Variants in DNAH14 observed in about 807,000 individuals in gnomAD.
DNAH14 encodes the protein axonemal beta dynein heavy chain 14.
Under a neutral mutation model 520.9 loss-of-function variants are expected in DNAH14, and 478 were observed. That is an observed-to-expected ratio of 0.92 (90% CI 0.85 to 0.99). DNAH14 has a LOEUF of 0.99. Ranked by LOEUF, DNAH14 falls within the 50% of genes least tolerant of loss-of-function variation. The pLI is 0.00. For missense variants in DNAH14, 4,831 were observed against 5,234.5 expected, an observed-to-expected ratio of 0.92 and a Z score of 2.38; for synonymous variants, 1,581 against 1,757.2, an observed-to-expected ratio of 0.90 and a Z score of 2.51.
chr1:225,179,900 GT>G (rs112267327), intron 36 of DNAH14, among the ~76,000 whole-genome samples: 29 of 150,130 alleles, frequency 1.9e-4, no homozygotes, highest in African/African-American at 3.2e-4. Flanking sequence ...TCAGTTGACA[GT>G]TTTTTTTTTC....
intron 1 of DNAH14, among the ~76,000 whole-genome samples, chr1:224,936,080 A>G (rs780047466): frequency 3.3e-5 from 5 of 151,900 alleles, no homozygotes; most frequent in Non-Finnish European, 7.4e-5. Context: ...CTAATGGGGA[A>G]TTTTATAGCA....
At chr1:225,138,921 G>A (rs148997397) in intron 27 of DNAH14, among the ~76,000 whole-genome samples, 110 of 152,238 alleles carry the variant, frequency 7.2e-4, no homozygotes, top group African/African-American at 2.1e-3. Flanking sequence ...TCCTCTCCGT[G>A]AGTGTCGTGG....
At chr1:225,331,402 A>T in intron 64 of DNAH14, 35 bp from the exon 65 acceptor site, 1 of 1,540,500 alleles carries the variant, frequency 6.5e-7, no homozygotes, top group Non-Finnish European at 8.8e-7. Flanking sequence ...TGAGAGTAAG[A>T]TATTTTTCTC....
At chr1:225,270,047 C>T (rs1027326964) in intron 49 of DNAH14, among the ~76,000 whole-genome samples, 1 of 152,050 alleles carries the variant, frequency 6.6e-6, no homozygotes, top group African/African-American at 2.4e-5. Context: ...GCACTATTCA[C>T]AATAGCAAAG....
chr1:224,947,039 T>C (rs2059888336), intron 1 of DNAH14, among the ~76,000 whole-genome samples: 1 of 150,298 alleles, frequency 6.7e-6, no homozygotes, highest in African/African-American at 2.4e-5. Flanking sequence ...TGCCTCAGCC[T>C]CCCGAGTAGC....
Position 225,345,974 on chromosome 1 carries a change from A to T in DNAH14, c.10691A>T (p.Asp3564Val). 2.6e-6 allele frequency: 4 copies of T among 1,549,440 alleles called. No homozygotes were observed. The highest frequency in any genetic ancestry group is 3.5e-6 in the Non-Finnish European group (4 of 1,146,088). The change falls in exon 70 of 86, where the codon GAT (aspartate) becomes GTT (valine). Residue 3564 changes from aspartate to valine, a missense_variant. Coordinates refer to ENST00000682510, the MANE Select transcript of DNAH14 (RefSeq NM_001367479.1). ...LLQKALGSIL[D>V]DDKIVDTLRK... The stretch of plus-strand genomic sequence containing the variant: ...TGTTTGTCTTTAGGATCCATATTAG[A>T]TGATGACAAAATTGTAGATACCTTA...
chr1:225,103,954 T>TGAATAGGAGTGGTGAGAGAGGG (rs2075773239), intron 23 of DNAH14, among the ~76,000 whole-genome samples: 4 of 152,230 alleles, frequency 2.6e-5, no homozygotes, highest in East Asian at 1.9e-4. Flanking sequence ...AGAGAGGGCA[T>TGAATAGGAGTGGTGAGAGAGGG]CCCTGTCTTG....
chr1:225,381,518 C>T lies in DNAH14; in HGVS notation c.13016C>T (p.Thr4339Ile). ...GCTATAAAAGGAGAGATCATCCTCACCCAAGAATTGGAGGAAATATTTAAC... is the reference window on the plus strand; with the variant it reads ...GCTATAAAAGGAGAGATCATCCTCATCCAAGAATTGGAGGAAATATTTAAC... ...QLAIKGEIIL[T>I]QELEEIFNSF... Residue 4339 changes from threonine to isoleucine, a missense_variant, in exon 81 of 86, where the codon ACC becomes ATC. Thr to Ile is a moderately conservative substitution (Grantham distance 89). Coordinates refer to ENST00000682510, the MANE Select transcript of DNAH14 (RefSeq NM_001367479.1). 6.5e-7 allele frequency: 1 copy of T among 1,548,002 alleles called. No homozygotes were observed. Among genetic ancestry groups the T allele is most frequent in the East Asian group, 2.4e-5 (1 of 40,876 alleles).
chr1:225,270,837 T>G lies in DNAH14; in HGVS notation c.7642T>G (p.Ser2548Ala). The change falls in exon 50 of 86, where the codon TCA becomes GCA. Residue 2548 changes from serine to alanine, a missense_variant. Physicochemically the swap from Ser to Ala is moderately conservative, Grantham distance 99. Coordinates refer to ENST00000682510, the MANE Select transcript of DNAH14 (RefSeq NM_001367479.1). The stretch of plus-strand genomic sequence containing the variant: ...TTCCATGCTGGTATTACCTCATCCT[T>G]CACAAGACATCTTATGTACTATTTT... ...HFSMLVLPHPSQDILCTIFQA... is the reference protein window; with the variant it reads ...HFSMLVLPHPAQDILCTIFQA... 6.4e-7 allele frequency: 1 copy of G among 1,551,282 alleles called. No individual in the cohort carries two copies. The highest frequency in any genetic ancestry group is 8.7e-7 in the Non-Finnish European group (1 of 1,146,818).
intron 52 of DNAH14, among the ~76,000 whole-genome samples, chr1:225,273,348 G>A (rs550753756): frequency 7.2e-5 from 11 of 152,330 alleles, no homozygotes; most frequent in African/African-American, 2.6e-4. Flanking sequence ...GGAGAATGGC[G>A]TGAACCCGGG....
At chr1:225,147,019 G>A in intron 30 of DNAH14, 85 bp from the exon 31 acceptor site, 2 of 1,098,122 alleles carry the variant, frequency 1.8e-6, no homozygotes, top group Non-Finnish European at 1.3e-6. Flanking sequence ...GGTAGCATGG[G>A]GAGAACACAT....
At chr1:224,931,078 T>A (rs2058671068) in intron 1 of DNAH14, among the ~76,000 whole-genome samples, 1 of 152,190 alleles carries the variant, frequency 6.6e-6, no homozygotes, top group African/African-American at 2.4e-5. Flanking sequence ...GATGTGGAGT[T>A]GAAAGACAGT....
At chr1:225,185,182 C>G in intron 36 of DNAH14, 109 bp from the exon 37 acceptor site, 1 of 1,195,256 alleles carries the variant, frequency 8.4e-7, no homozygotes, top group Non-Finnish European at 1.1e-6. Flanking sequence ...AGAACACAAA[C>G]TCATTTATTA....
chr1:225,102,352 C>T lies in DNAH14; in HGVS notation c.3867+1468C>T, dbSNP rs545286220. 5.3e-5 allele frequency among the ~76,000 whole-genome samples: 8 copies of T among 152,128 alleles called. No individual in the cohort carries two copies. In the East Asian group the frequency reaches 5.8e-4, roughly 11 times the overall value. On this transcript the variant is annotated intron_variant, in intron 23 of 85. Transcript: ENST00000682510. ...TGTGAATAGTGCCACAATAAACATA[C>T]GTGTGCATGTGTCTTTATCGCAGCA...
chr1:225,059,323 G>A (rs10915767), intron 17 of DNAH14, among the ~76,000 whole-genome samples: 112,347 of 152,102 alleles, frequency 0.74, 44,381 homozygotes, highest in Non-Finnish European at 0.88. Flanking sequence ...TTTAACATCT[G>A]TTTTATCCGA....
chr1:225,205,992 T>C lies in DNAH14; in HGVS notation c.5999T>C (p.Ile2000Thr). Reference sequence around the variant, plus strand: ...CCAGATTTTGATTGGCAGTGGATTATCCTAGATGGCCCAGTGGACACCTTT... The same window carrying C: ...CCAGATTTTGATTGGCAGTGGATTACCCTAGATGGCCCAGTGGACACCTTT... ...ENHNFDWQWI[I>T]LDGPVDTFWV... The change falls in exon 40 of 86, where the codon ATC becomes ACC. Residue 2000 changes from isoleucine (I) to threonine (T), a missense_variant. Ile to Thr is a moderately conservative substitution (Grantham distance 89, BLOSUM62 -1). Transcript: ENST00000682510. The C allele has an allele frequency of 6.4e-7, 1 of 1,551,612 alleles. No homozygotes were observed. Among genetic ancestry groups the C allele is most frequent in the South Asian group, 1.2e-5 (1 of 84,050 alleles).
chr1:225,117,269 A>C (rs995634), intron 23 of DNAH14, among the ~76,000 whole-genome samples: 105,339 of 151,516 alleles, frequency 0.7, 38,131 homozygotes, highest in African/African-American at 0.9. Context: ...AGTGATAACC[A>C]CACCTATAGG....
At chr1:225,057,769 T>C (rs1572754188) in intron 17 of DNAH14, among the ~76,000 whole-genome samples, 3 of 152,234 alleles carry the variant, frequency 2.0e-5, no homozygotes, top group South Asian at 4.1e-4. Flanking sequence ...AGGCCTTTTC[T>C]ACATCTATTG....
At chr1:225,072,794 G>A (rs1572868970) in intron 17 of DNAH14, among the ~76,000 whole-genome samples, 1 of 152,136 alleles carries the variant, frequency 6.6e-6, no homozygotes, top group East Asian at 1.9e-4. Flanking sequence ...GCAGTTTCTA[G>A]TTGCCTTGGA....
Sources: gnomAD v4.1 joint callset for allele counts (sites outside exome capture counted in the v4.1 genomes callset) on GRCh38, gnomAD v4.1.1 for gene constraint, MANE v1.5 for transcripts, NCBI Gene and HGNC (gene_info 2026-07-23, HGNC 2026-07-21) for gene names.